CTNNA3: variants seen among roughly 807,000 people sequenced by gnomAD.
CTNNA3 encodes the protein catenin alpha-3.
Under a neutral mutation model 95.7 loss-of-function variants are expected in CTNNA3, and 76 were observed. The observed-to-expected ratio is 0.79, with a 90% CI of 0.66 to 0.96. CTNNA3 has a LOEUF of 0.96. Ranked by LOEUF, CTNNA3 falls within the 40% of genes least tolerant of loss-of-function variation. CTNNA3 has a pLI of 0.00. For synonymous variants in CTNNA3, 431 were observed against 374.4 expected, an observed-to-expected ratio of 1.15 and a Z score of -1.74; for missense variants, 1,191 against 1,089.8, an observed-to-expected ratio of 1.09 and a Z score of -1.31.
intron 15 of CTNNA3, among the ~76,000 whole-genome samples, chr10:66,062,224 AAAT>A (rs561501128): frequency 1.3e-5 from 2 of 152,290 alleles, no homozygotes; most frequent in South Asian, 4.1e-4. Context: ...TTTATTAATA[AAAT>A]AATATTTGAA....
intron 7 of CTNNA3, among the ~76,000 whole-genome samples, chr10:66,980,952 G>A (rs570109318): frequency 6.6e-6 from 1 of 152,046 alleles, no homozygotes; most frequent in Non-Finnish European, 1.5e-5. Flanking sequence ...TGTTGCCCAG[G>A]CTGGAGTGCG....
chr10:66,911,632 G>A (rs549475346), intron 7 of CTNNA3, among the ~76,000 whole-genome samples: 4 of 152,270 alleles, frequency 2.6e-5, no homozygotes, highest in South Asian at 2.1e-4. Flanking sequence ...TATCTGTGTC[G>A]TATATTAATT....
chr10:66,404,885 C>A (rs1227316797), intron 11 of CTNNA3, among the ~76,000 whole-genome samples: 1 of 151,984 alleles, frequency 6.6e-6, no homozygotes, highest in Non-Finnish European at 1.5e-5. Context: ...ATTGGACACC[C>A]CTGCTTTAGA....
At chr10:66,365,062 A>G (rs2132443034) in intron 12 of CTNNA3, among the ~76,000 whole-genome samples, 1 of 152,292 alleles carries the variant, frequency 6.6e-6, no homozygotes, top group African/African-American at 2.4e-5. Context: ...CCAGTATTAA[A>G]TGTCAGGCGA....
intron 1 of CTNNA3, among the ~76,000 whole-genome samples, chr10:67,678,054 G>C (rs1432209884): frequency 6.6e-6 from 1 of 152,008 alleles, no homozygotes; most frequent in African/African-American, 2.4e-5. Flanking sequence ...GAGCTCAAAG[G>C]CTACACATAC....
chr10:66,885,013 G>C (rs1844992262), intron 7 of CTNNA3, among the ~76,000 whole-genome samples: 1 of 152,120 alleles, frequency 6.6e-6, no homozygotes, highest in African/African-American at 2.4e-5. Flanking sequence ...TAGCTTGACA[G>C]CACTGTATGT....
chr10:67,758,975 C>G (rs1342353908), intron 1 of CTNNA3, among the ~76,000 whole-genome samples: 1 of 152,032 alleles, frequency 6.6e-6, no homozygotes, highest in East Asian at 1.9e-4. Context: ...TAGGAAAATC[C>G]TGTAAGTAAG....
intron 5 of CTNNA3, among the ~76,000 whole-genome samples, chr10:67,230,451 T>G (rs921087165): frequency 1.3e-5 from 2 of 151,896 alleles, no homozygotes; most frequent in Admixed American, 1.3e-4. Context: ...TGGGACTTAA[T>G]TAAACTAAAG....
At chr10:66,733,301 G>T (rs1438703347) in intron 9 of CTNNA3, among the ~76,000 whole-genome samples, 3 of 150,578 alleles carry the variant, frequency 2.0e-5, no homozygotes, top group Admixed American at 6.6e-5. Flanking sequence ...TAATTATATT[G>T]TTTTTTAAAT....
Position 67,119,036 on chromosome 10 carries a change from T to C in CTNNA3, c.1047+61281A>G, listed in dbSNP as rs76666917. On this transcript the variant is annotated intron_variant, in intron 7 of 17. Coordinates refer to ENST00000433211, the MANE Select transcript of CTNNA3 (RefSeq NM_013266.4). The stretch of plus-strand genomic sequence containing the variant: ...AGAAAAATACAATTTCTGGACTGTT[T>C]GGGACTAAGAAAGTAGGCCAATATA... Among the ~76,000 whole-genome samples, 44 of 152,028 alleles carry C rather than the reference T, an allele frequency of 2.9e-4. 1 individual carries two copies. The East Asian group carries it at 8.5e-3, about 29-fold the overall frequency.
At chr10:66,150,453 T>A (rs865975139) in intron 13 of CTNNA3, among the ~76,000 whole-genome samples, 1 of 152,088 alleles carries the variant, frequency 6.6e-6, no homozygotes, top group Non-Finnish European at 1.5e-5. Context: ...AATATATCTA[T>A]TATGGTCTTT....
At chr10:66,356,437 T>C (rs940965087) in intron 12 of CTNNA3, among the ~76,000 whole-genome samples, 1 of 152,026 alleles carries the variant, frequency 6.6e-6, no homozygotes, top group Non-Finnish European at 1.5e-5. Flanking sequence ...TATACTTACG[T>C]ATATCAATTT....
intron 12 of CTNNA3, among the ~76,000 whole-genome samples, chr10:66,341,806 AG>A (rs933478206): frequency 6.6e-6 from 1 of 151,858 alleles, no homozygotes; most frequent in Non-Finnish European, 1.5e-5. Context: ...TGTGCTGGTC[AG>A]GGGGTTGCTT....
At chr10:66,453,171 C>T (rs952938608) in intron 11 of CTNNA3, among the ~76,000 whole-genome samples, 1 of 151,226 alleles carries the variant, frequency 6.6e-6, no homozygotes, top group Admixed American at 6.6e-5. Flanking sequence ...GAGCCGAGAT[C>T]GTGCCACTGT....
intron 10 of CTNNA3, among the ~76,000 whole-genome samples, chr10:66,591,200 G>A (rs1400548191): frequency 6.6e-6 from 1 of 152,088 alleles, no homozygotes; most frequent in Non-Finnish European, 1.5e-5. Context: ...TCAGCAGGTT[G>A]GAAAATTACC....
Position 66,845,725 on chromosome 10 carries a change from A to AAAAAAAC in CTNNA3, c.1048-70202_1048-70201insGTTTTTT, listed in dbSNP as rs1160996707. 1.7e-3 allele frequency among the ~76,000 whole-genome samples: 167 copies of AAAAAAAC among 100,366 alleles called. 15 individuals are homozygous for AAAAAAAC. Among genetic ancestry groups the AAAAAAAC allele is most frequent in the South Asian group, 4.3e-3 (11 of 2,534 alleles). The allele number at this position is 100,366 out of a possible 152,430, so 65.8% of individuals were successfully genotyped here. ...TCTCAAAAAAAAAAAAAAAAAAAAA[A>AAAAAAAC]AAAACTAAAAAGGTGAGATATATAT... On this transcript the variant is annotated intron_variant, in intron 7 of 17. Transcript: ENST00000433211.
At chr10:66,515,345 C>CTCTCTCTCTCTATA (rs558913767) in intron 11 of CTNNA3, among the ~76,000 whole-genome samples, 4 of 148,984 alleles carry the variant, frequency 2.7e-5, no homozygotes, top group South Asian at 2.1e-4. Context: ...CTCTCTCTCT[C>CTCTCTCTCTCTATA]TATATATATA....
chr10:66,069,069 G>C (rs913156883), intron 15 of CTNNA3, among the ~76,000 whole-genome samples: 1 of 152,138 alleles, frequency 6.6e-6, no homozygotes, highest in Admixed American at 6.6e-5. Flanking sequence ...GGAAGGGGAA[G>C]GTGAGAGAGT....
rs187623546 is a variant in CTNNA3 at position 65,964,662 on chromosome 10, T to C, written c.2400+1950A>G. Among the ~76,000 whole-genome samples the C allele has an allele frequency of 3.0e-4, 45 of 152,266 alleles. No individual in the cohort carries two copies. The East Asian group carries it at 8.7e-3, about 29-fold the overall frequency. On this transcript the variant is annotated intron_variant, in intron 17 of 17. Coordinates refer to ENST00000433211, the MANE Select transcript of CTNNA3 (RefSeq NM_013266.4). ...GCGTCATACAACATGAAACTGTATA[T>C]TTGAAAAATAAAATTTATATGAAAT...
Sources: gnomAD v4.1 joint callset for allele counts (sites outside exome capture counted in the v4.1 genomes callset) on GRCh38, gnomAD v4.1.1 for gene constraint, MANE v1.5 for transcripts, NCBI Gene and HGNC (gene_info 2026-07-23, HGNC 2026-07-21) for gene names.